The following TFAP2E variants were observed in gnomAD, a reference collection of about 807,000 sequenced individuals.
TFAP2E encodes transcription factor AP-2-epsilon.
In TFAP2E, 30 loss-of-function variants were observed where a neutral mutation model predicts 37.9. The observed-to-expected ratio is 0.79, with a 90% CI of 0.59 to 1.07. The LOEUF (loss-of-function observed/expected upper bound fraction) is 1.07. Ranked by LOEUF, TFAP2E falls within the 50% of genes least tolerant of loss-of-function variation. The pLI, the probability that TFAP2E is intolerant of heterozygous loss-of-function variation, is 0.00. For missense variants in TFAP2E, 567 were observed against 637.9 expected (o/e 0.89, Z 1.20); for synonymous variants, 318 against 295.8 (o/e 1.08, Z -0.77).
chr1:35,590,876 C>A lies in TFAP2E; in HGVS notation c.1046+101C>A. ...CCACTGTGTACATGAGCAGTGGGCACACATGCGTATTTGCGCACCACTGTG... is the reference window on the plus strand; with the variant it reads ...CCACTGTGTACATGAGCAGTGGGCAAACATGCGTATTTGCGCACCACTGTG... On this transcript the variant is annotated intron_variant, in intron 6 of 6. Transcript: ENST00000373235. The surrounding 1 kb of genome is among the most constrained non-coding windows in gnomAD (Gnocchi z 6.2). 1 of 1,257,396 alleles carries A rather than the reference C, an allele frequency of 8.0e-7. No individual in the cohort carries two copies. The highest frequency in any genetic ancestry group is 1.0e-6 in the Non-Finnish European group (1 of 983,260). The allele number at this position is 1,257,396 out of a possible 1,614,324, so 77.9% of individuals were successfully genotyped here. A position where few individuals can be genotyped will look rare whatever the true frequency, so the allele number is the denominator to read the frequency against.
At chr1:35,574,594 C>A in intron 2 of TFAP2E, 185 bp downstream of exon 2, 1 of 1,073,536 alleles carries the variant, frequency 9.3e-7, no homozygotes, top group Non-Finnish European at 1.3e-6. Context: ...GGCTGCCTGG[C>A]ACTGAGTCCG....
intron 3 of TFAP2E, among the ~76,000 whole-genome samples, chr1:35,580,169 C>T (rs1188728630): frequency 1.3e-5 from 2 of 152,000 alleles, no homozygotes; most frequent in African/African-American, 4.8e-5. Flanking sequence ...AAGATTGTGC[C>T]ATTGCACTCC....
chr1:35,580,648 G>A (rs1032915264), intron 3 of TFAP2E, among the ~76,000 whole-genome samples: 1 of 151,962 alleles, frequency 6.6e-6, no homozygotes, highest in Non-Finnish European at 1.5e-5. Flanking sequence ...GGTGGCGGGC[G>A]CCTGTAGTCC....
intron 3 of TFAP2E, among the ~76,000 whole-genome samples, chr1:35,576,148 A>G (rs1649164045): frequency 6.6e-6 from 1 of 152,174 alleles, no homozygotes; most frequent in African/African-American, 2.4e-5. Flanking sequence ...TTTGCCCTCC[A>G]CTTGTTCTCA....
rs773402755 is a variant in TFAP2E, at chr1:35,590,604, C to A, written c.905-30C>A. The A allele has an allele frequency of 2.1e-6, 3 of 1,450,790 alleles. No homozygotes were observed. The South Asian group carries it at 4.6e-5, about 22-fold the overall frequency. 89.9% of individuals were successfully genotyped at this position (1,450,790 alleles called of 1,614,324 possible). A position where few individuals can be genotyped will look rare whatever the true frequency, so the allele number is the denominator to read the frequency against. On this transcript the variant is annotated intron_variant, in intron 5 of 6. Coordinates refer to ENST00000373235, the MANE Select transcript of TFAP2E (RefSeq NM_178548.4). This position sits in a 1 kb window ranked among gnomAD's most constrained non-coding sequence, Gnocchi z 6.2. ...TGTGTTCCAGGCGCAGAGGTACACCCTGCAGTAGTGACAGCTCCCCTCCCC... is the reference window on the plus strand; with the variant it reads ...TGTGTTCCAGGCGCAGAGGTACACCATGCAGTAGTGACAGCTCCCCTCCCC...
chr1:35,588,702 G>A lies in TFAP2E; in HGVS notation c.785+150G>A. 3.6e-6 allele frequency: 3 copies of A among 833,420 alleles called. No homozygotes were observed. Among genetic ancestry groups the A allele is most frequent in the Non-Finnish European group, 3.5e-6 (2 of 569,976 alleles). The allele number at this position is 833,420 out of a possible 1,614,324, so 51.6% of individuals were successfully genotyped here. ...GCCCCGGGGACTCTGGATTGTGCAT[G>A]TTGTGGGGGCCGGCCCAGGTCCCTG... is the stretch of plus-strand genomic sequence containing the variant. On this transcript the variant is annotated intron_variant, in intron 4 of 6. Transcript: ENST00000373235. This position sits in a 1 kb window ranked among gnomAD's most constrained non-coding sequence, Gnocchi z 5.1.
At chr1:35,576,965 GGGA>G (rs1649194439) in intron 3 of TFAP2E, among the ~76,000 whole-genome samples, 1 of 99,594 alleles carries the variant, frequency 1.0e-5, no homozygotes, top group Non-Finnish European at 2.0e-5. Context: ...CAGCGCCAGC[GGGA>G]CCCCAGCGCC....
intron 3 of TFAP2E, among the ~76,000 whole-genome samples, chr1:35,585,001 G>A (rs1347209892): frequency 6.6e-6 from 1 of 152,116 alleles, no homozygotes; most frequent in Non-Finnish European, 1.5e-5. Flanking sequence ...TGCTTGGTAG[G>A]GAAGACACCC....
intron 4 of TFAP2E, among the ~76,000 whole-genome samples, chr1:35,589,188 C>T (rs77269054): frequency 7.9e-6 from 1 of 125,936 alleles, no homozygotes; most frequent in South Asian, 2.9e-4. Context: ...GTGTCCTGCT[C>T]TGTGTGTGTG....
At position 35,590,474 on chromosome 1, in the gene TFAP2E, A is replaced by G. The variant is rs1038030520; in HGVS notation, c.905-160A>G. Among the ~76,000 whole-genome samples, 4 of 152,044 alleles carry G rather than the reference A, an allele frequency of 2.6e-5. No individual in the cohort carries two copies. Among genetic ancestry groups the G allele is most frequent in the South Asian group, 2.1e-4 (1 of 4,830 alleles). On this transcript the variant is annotated intron_variant, in intron 5 of 6. Coordinates refer to ENST00000373235, the MANE Select transcript of TFAP2E (RefSeq NM_178548.4). This position sits in a 1 kb window ranked among gnomAD's most constrained non-coding sequence, Gnocchi z 6.2. ...ACCCTAATGGCCCCAAGGTGGGGCA[A>G]TGGAATGGGGGCTGGAGCTGGGCTG...
Position 35,573,744 on chromosome 1 carries a change from G to A in TFAP2E, c.27+140G>A. 1.4e-6 allele frequency: 2 copies of A among 1,410,288 alleles called. No homozygotes were observed. Among genetic ancestry groups the A allele is most frequent in the Non-Finnish European group, 1.9e-6 (2 of 1,068,788 alleles). 87.4% of individuals were successfully genotyped at this position (1,410,288 alleles called of 1,614,324 possible). On this transcript the variant is annotated intron_variant, in intron 1 of 6. Transcript: ENST00000373235. The surrounding 1 kb of genome is among the most constrained non-coding windows in gnomAD (Gnocchi z 5.9). ...GGACTTCGCCAGCTGAGAACGCGAT[G>A]CGCAAGTGACCGCTGTCCCCAGCCT...
At chr1:35,584,730 G>C (rs551480824) in intron 3 of TFAP2E, among the ~76,000 whole-genome samples, 2 of 151,944 alleles carry the variant, frequency 1.3e-5, no homozygotes, top group South Asian at 4.2e-4. Flanking sequence ...TAGAGACAAG[G>C]TCTCATTGTA....
At chr1:35,578,206 T>C (rs1226121076) in intron 3 of TFAP2E, among the ~76,000 whole-genome samples, 2 of 152,074 alleles carry the variant, frequency 1.3e-5, no homozygotes, top group Non-Finnish European at 2.9e-5. Context: ...GCTCCTTTCA[T>C]CACACAGGAC....
At chr1:35,575,355 G>C (rs557532907) in intron 3 of TFAP2E, among the ~76,000 whole-genome samples, 3 of 152,386 alleles carry the variant, frequency 2.0e-5, no homozygotes, top group East Asian at 3.9e-4. Flanking sequence ...CTGTTCCCAC[G>C]GAGTTGGGGA....
rs781027640 is a variant in TFAP2E, at chr1:35,589,975, G to A, written c.831G>A (p.Glu277=). The change falls in exon 5 of 7, where the codon GAG becomes GAA. Residue 277 remains glutamate, a synonymous_variant. Coordinates refer to ENST00000373235, the MANE Select transcript of TFAP2E (RefSeq NM_178548.4). The stretch of plus-strand genomic sequence containing the variant: ...GCCGGTGTTTGCGGGAACGGTTAGA[G>A]AAGATTGGGCTCAACCTGCCAGCTG... ...NGGRCLRERL[E]KIGLNLPAGR... is the part of the protein sequence containing the mutation. The A allele has an allele frequency of 6.2e-7, 1 of 1,614,146 alleles. No homozygotes were observed. Among genetic ancestry groups the A allele is most frequent in the South Asian group, 1.1e-5 (1 of 91,078 alleles).
At chr1:35,593,578 G>C (rs1402949198) in intron 6 of TFAP2E, among the ~76,000 whole-genome samples, 1 of 152,196 alleles carries the variant, frequency 6.6e-6, no homozygotes, top group East Asian at 1.9e-4. Flanking sequence ...AGACTCCTGG[G>C]ACTGCCAAAT....
Position 35,589,919 on chromosome 1 carries a change from T to G in TFAP2E, c.786-11T>G. ...ATAGTTGTATGTCTGTCTGTCTCTG[T>G]GCATGTCAAGGGCCAAGTCCAAAAA... On this transcript the variant is annotated splice_polypyrimidine_tract_variant and intron_variant, in intron 4 of 6. Coordinates refer to ENST00000373235, the MANE Select transcript of TFAP2E (RefSeq NM_178548.4). The G allele has an allele frequency of 6.2e-7, 1 of 1,613,674 alleles. No individual in the cohort carries two copies. Among genetic ancestry groups the G allele is most frequent in the Non-Finnish European group, 8.5e-7 (1 of 1,179,638 alleles).
chr1:35,583,230 G>A (rs1649399236), intron 3 of TFAP2E, among the ~76,000 whole-genome samples: 8 of 151,982 alleles, frequency 5.3e-5, no homozygotes, highest in Admixed American at 5.2e-4. Flanking sequence ...CCTTGCTTTT[G>A]GTGTTGTATC....
In TFAP2E at chr1:35,573,726, G is replaced by A; in HGVS notation, c.27+122G>A. ...GGAGGGAGGGGGCCGCAGGGACTTC[G>A]CCAGCTGAGAACGCGATGCGCAAGT... On this transcript the variant is annotated intron_variant, in intron 1 of 6. Transcript: ENST00000373235. The surrounding 1 kb of genome is among the most constrained non-coding windows in gnomAD (Gnocchi z 5.9). 1.4e-6 allele frequency: 2 copies of A among 1,447,706 alleles called. No individual in the cohort carries two copies. The highest frequency in any genetic ancestry group is 1.8e-6 in the Non-Finnish European group (2 of 1,090,474). The allele number at this position is 1,447,706 out of a possible 1,614,324, so 89.7% of individuals were successfully genotyped here. A position where few individuals can be genotyped will look rare whatever the true frequency, so the allele number is the denominator to read the frequency against.
Sources: gnomAD v4.1 joint callset for allele counts (sites outside exome capture counted in the v4.1 genomes callset) on GRCh38, gnomAD v4.1.1 for gene constraint, Gnocchi (gnomAD v3.1) non-coding constraint, MANE v1.5 for transcripts, NCBI Gene and HGNC (gene_info 2026-07-23, HGNC 2026-07-21) for gene names.